Variants in FSTL1 observed in about 807,000 individuals in gnomAD.
FSTL1 encodes the protein follistatin-related protein 1.
FSTL1 carries 24 observed loss-of-function variants against 45.9 expected under a neutral mutation model. The ratio of observed to expected loss-of-function variants is 0.52; its 90% CI spans 0.38 to 0.74. The LOEUF is 0.74. Ranked by LOEUF, FSTL1 falls within the 30% of genes least tolerant of loss-of-function variation. The pLI is 0.00. For missense variants in FSTL1, 340 were observed against 381.8 expected (o/e 0.89, Z 0.91); for synonymous variants, 120 against 137.6 (o/e 0.87, Z 0.89).
chr3:120,408,487 A>C (rs1426379727), intron 6 of FSTL1, among the ~76,000 whole-genome samples: 1 of 152,248 alleles, frequency 6.6e-6, no homozygotes, highest in East Asian at 1.9e-4. Context: ...CAGAAAGAGA[A>C]ATCCACAGAC....
At chr3:120,429,057 G>A (rs1937433289) in intron 2 of FSTL1, among the ~76,000 whole-genome samples, 1 of 152,232 alleles carries the variant, frequency 6.6e-6, no homozygotes, top group East Asian at 1.9e-4. Context: ...AGTCTTCCAA[G>A]GAAATGCCAG....
intron 3 of FSTL1, among the ~76,000 whole-genome samples, chr3:120,415,122 C>CAA (rs36113603): frequency 8.2e-6 from 1 of 122,204 alleles, no homozygotes; most frequent in Admixed American, 8.8e-5. Context: ...GTTTGTTTTT[C>CAA]AAAAAAAAAA....
At chr3:120,450,646 C>CCGGGGACCGAGTT in intron 2 of FSTL1, 38 bp downstream of exon 2, 1 of 1,456,034 alleles carries the variant, frequency 6.9e-7, no homozygotes. Context: ...CCAAGAGGCC[C>CCGGGGACCGAGTT]CGGGGACCGA....
intron 2 of FSTL1, among the ~76,000 whole-genome samples, chr3:120,442,811 G>GCTGC (rs1937652692): frequency 8.9e-6 from 1 of 112,978 alleles, no homozygotes; most frequent in African/African-American, 4.5e-5. Flanking sequence ...AAAAAAAAAA[G>GCTGC]CAGACTTGGA....
At chr3:120,414,999 A>T (rs36111677) in intron 3 of FSTL1, among the ~76,000 whole-genome samples, 8 of 150,060 alleles carry the variant, frequency 5.3e-5, no homozygotes, top group Non-Finnish European at 7.5e-5. Flanking sequence ...AAAAATAAAT[A>T]AATTAAAAAA....
intron 2 of FSTL1, among the ~76,000 whole-genome samples, chr3:120,432,449 C>G (rs1937494775): frequency 6.6e-6 from 1 of 152,130 alleles, no homozygotes; most frequent in South Asian, 2.1e-4. Flanking sequence ...TCCGCTGCAA[C>G]AAATTCCCCC....
At chr3:120,422,946 C>T (rs1020759635) in intron 2 of FSTL1, among the ~76,000 whole-genome samples, 2 of 152,198 alleles carry the variant, frequency 1.3e-5, no homozygotes, top group African/African-American at 2.4e-5. Context: ...CCACCTGCCT[C>T]GGCCTTCCGA....
At chr3:120,438,834 G>A (rs1576226841) in intron 2 of FSTL1, among the ~76,000 whole-genome samples, 1 of 152,178 alleles carries the variant, frequency 6.6e-6, no homozygotes, top group Non-Finnish European at 1.5e-5. Flanking sequence ...CACCAGGGAT[G>A]TCTGTAAACT....
chr3:120,421,305 T>G (rs376922300), intron 2 of FSTL1: 2 of 152,214 alleles, frequency 1.3e-5, no homozygotes, highest in Admixed American at 6.5e-5. Context: ...GAATTTTGGC[T>G]CTACTTGCCA....
intron 2 of FSTL1, among the ~76,000 whole-genome samples, chr3:120,442,802 A>AC (rs1368807313): frequency 2.1e-4 from 31 of 148,444 alleles, no homozygotes; most frequent in Non-Finnish European, 4.2e-4. Context: ...AAAAAAAAAA[A>AC]AAAAAAAAGC....
intron 2 of FSTL1, among the ~76,000 whole-genome samples, chr3:120,444,176 T>C (rs1448671466): frequency 1.3e-5 from 2 of 149,912 alleles, no homozygotes; most frequent in Non-Finnish European, 2.9e-5. Context: ...CCCAGTTCTA[T>C]CATCTATTAC....
intron 4 of FSTL1, among the ~76,000 whole-genome samples, 190 bp downstream of exon 4, chr3:120,411,664 G>A (rs181668495): frequency 6.6e-6 from 1 of 152,330 alleles, no homozygotes; most frequent in Non-Finnish European, 1.5e-5. Flanking sequence ...CAGAGGCCTG[G>A]GCCATCCAGG....
chr3:120,403,399 C>T (rs748682716), intron 7 of FSTL1, 45 bp from the exon 8 acceptor site: 10 of 1,182,110 alleles, frequency 8.5e-6, no homozygotes, highest in Admixed American at 5.1e-5. Context: ...ACCTCAGCTT[C>T]GCTCAGAAGA....
chr3:120,422,797 C>T (rs1056476096), intron 2 of FSTL1, among the ~76,000 whole-genome samples: 3 of 151,960 alleles, frequency 2.0e-5, no homozygotes, highest in Non-Finnish European at 2.9e-5. Context: ...CGGGTTCAAG[C>T]GATTCTCCTG....
intron 6 of FSTL1, among the ~76,000 whole-genome samples, chr3:120,406,466 G>A (rs988246147): frequency 6.6e-6 from 1 of 152,010 alleles, no homozygotes; most frequent in African/African-American, 2.4e-5. Context: ...TGGCCCAAGT[G>A]GGCACCATGA....
chr3:120,432,405 A>C (rs1434197063), intron 2 of FSTL1, among the ~76,000 whole-genome samples: 1 of 152,154 alleles, frequency 6.6e-6, no homozygotes, highest in Non-Finnish European at 1.5e-5. Flanking sequence ...GGCTGACAGG[A>C]GGCCCACCAA....
At chr3:120,417,704 T>G (rs1937212082) in intron 2 of FSTL1, among the ~76,000 whole-genome samples, 1 of 151,904 alleles carries the variant, frequency 6.6e-6, no homozygotes, top group African/African-American at 2.4e-5. Context: ...GAGGAAAAGG[T>G]TTTTGCTGAC....
At chr3:120,431,448 T>C (rs6805634) in intron 2 of FSTL1, among the ~76,000 whole-genome samples, 14,617 of 152,292 alleles carry the variant, frequency 0.096, 759 homozygotes, top group Non-Finnish European at 0.13. Context: ...ACACTTACAG[T>C]ACATCTAAAT....
intron 5 of FSTL1, chr3:120,409,916 A>T (rs1350029699): frequency 3.2e-6 from 1 of 316,228 alleles, no homozygotes; most frequent in Non-Finnish European, 5.8e-6. Context: ...GTGAGAAATA[A>T]CTAGAGCAGA....
Sources: allele counts gnomAD v4.1 joint callset (sites outside exome capture counted in the v4.1 genomes callset), GRCh38; gene constraint gnomAD v4.1.1; transcripts MANE v1.5; gene names NCBI Gene and HGNC (gene_info 2026-07-23, HGNC 2026-07-21).